Variants in PDE11A observed in about 807,000 individuals in gnomAD.
The protein encoded by PDE11A is dual 3',5'-cyclic-AMP and -GMP phosphodiesterase 11A.
A neutral mutation model predicts 100.5 loss-of-function variants in PDE11A; 100 were observed. The observed-to-expected ratio is 1.00, with a 90% CI of 0.85 to 1.18. PDE11A has a LOEUF of 1.18. Among genes scored for constraint, PDE11A ranks in the 50% most tolerant of loss-of-function variants. The pLI is 0.00. For missense variants in PDE11A, 1,141 were observed against 1,152.6 expected, an observed-to-expected ratio of 0.99 and a Z score of 0.15; for synonymous variants, 381 against 420.8, an observed-to-expected ratio of 0.91 and a Z score of 1.16.
At chr2:177,992,485 C>A (rs1026830778) in intron 2 of PDE11A, among the ~76,000 whole-genome samples, 1 of 143,548 alleles carries the variant, frequency 7.0e-6, no homozygotes, top group Admixed American at 7.1e-5. Context: ...ATGCTATTTG[C>A]CTCTTCAGTA....
At chr2:178,019,727 T>C (rs1328743931) in intron 1 of PDE11A, among the ~76,000 whole-genome samples, 2 of 152,210 alleles carry the variant, frequency 1.3e-5, no homozygotes, top group Non-Finnish European at 2.9e-5. Flanking sequence ...GACAAATATG[T>C]TGGAAGTTGA....
chr2:177,727,516 T>C, intron 12 of PDE11A, 142 bp downstream of exon 12: 2 of 707,412 alleles, frequency 2.8e-6, no homozygotes, highest in Admixed American at 2.0e-5. Flanking sequence ...CTGGCACATA[T>C]ATACTTTCAT....
chr2:178,005,954 G>T (rs1288621861), intron 2 of PDE11A, among the ~76,000 whole-genome samples: 1 of 152,102 alleles, frequency 6.6e-6, no homozygotes, highest in Non-Finnish European at 1.5e-5. Flanking sequence ...ATAAAAAGAG[G>T]AGCTAGGGAA....
intron 12 of PDE11A, among the ~76,000 whole-genome samples, chr2:177,719,648 A>G (rs570842665): frequency 6.6e-6 from 1 of 152,206 alleles, no homozygotes; most frequent in South Asian, 2.1e-4. Context: ...TGATCTATAG[A>G]TGGCTTGAAT....
At chr2:177,909,235 A>G (rs906639989) in intron 2 of PDE11A, among the ~76,000 whole-genome samples, 3 of 152,186 alleles carry the variant, frequency 2.0e-5, no homozygotes, top group East Asian at 1.9e-4. Flanking sequence ...AAGGCATTTA[A>G]CATGGCATTT....
chr2:178,032,351 G>A (rs1025762676), intron 1 of PDE11A, among the ~76,000 whole-genome samples: 5 of 152,118 alleles, frequency 3.3e-5, no homozygotes, highest in African/African-American at 1.2e-4. Flanking sequence ...GGGCGTGGTG[G>A]CACATGCCTG....
At chr2:177,648,112 CA>C (rs968810517) in intron 19 of PDE11A, among the ~76,000 whole-genome samples, 1 of 151,290 alleles carries the variant, frequency 6.6e-6, no homozygotes, top group Non-Finnish European at 1.5e-5. Flanking sequence ...ACCCTGTCTC[CA>C]AAAAAGAGTG....
chr2:177,835,178 G>A (rs2083374599), intron 6 of PDE11A, among the ~76,000 whole-genome samples: 1 of 152,098 alleles, frequency 6.6e-6, no homozygotes, highest in Non-Finnish European at 1.5e-5. Context: ...AAGGACAGAA[G>A]AAAGAAAAGA....
chr2:177,813,523 G>A (rs940839157), intron 9 of PDE11A, among the ~76,000 whole-genome samples: 1 of 152,054 alleles, frequency 6.6e-6, no homozygotes, highest in African/African-American at 2.4e-5. Flanking sequence ...ACTGTACTCT[G>A]CCCCATTTGT....
intron 2 of PDE11A, among the ~76,000 whole-genome samples, chr2:178,008,126 T>A (rs1416821475): frequency 3.9e-5 from 6 of 152,202 alleles, no homozygotes; most frequent in Non-Finnish European, 8.8e-5. Context: ...TATTCTTTTT[T>A]TAGCATTTGT....
intron 1 of PDE11A, among the ~76,000 whole-genome samples, chr2:178,037,577 T>C (rs1009177973): frequency 9.2e-5 from 14 of 152,156 alleles, no homozygotes; most frequent in African/African-American, 3.4e-4. Flanking sequence ...CGTACATGTG[T>C]TTATTGCAGC....
intron 2 of PDE11A, among the ~76,000 whole-genome samples, chr2:177,953,927 A>G (rs932009958): frequency 4.6e-5 from 7 of 152,182 alleles, no homozygotes; most frequent in Admixed American, 2.0e-4. Flanking sequence ...ATAATGCTAG[A>G]GTACCAAATA....
chr2:177,968,116 T>C (rs2085721766), intron 2 of PDE11A, among the ~76,000 whole-genome samples: 1 of 152,088 alleles, frequency 6.6e-6, no homozygotes, highest in Non-Finnish European at 1.5e-5. Context: ...TCAGACGAGG[T>C]GCTAATTCTT....
In PDE11A at chr2:178,072,306, C is replaced by T. The variant is rs1384426602; in HGVS notation, c.132G>A (p.Gln44=). The T allele has an allele frequency of 6.2e-7, 1 of 1,614,128 alleles. No homozygotes were observed. The highest frequency in any genetic ancestry group is 1.1e-5 in the South Asian group (1 of 91,068). Residue 44 remains glutamine (Q), a synonymous_variant, in exon 1 of 20, where the codon CAG becomes CAA. Transcript: ENST00000286063. The part of the protein sequence containing the change: ...MVEKWLQRHS[Q]GQGALGPRPS... ...GCCTTGGACCTAAAGCCCCCTGACCCTGACTGTGCCTCTGCAGCCACTTTT... is the reference window on the plus strand; with the variant it reads ...GCCTTGGACCTAAAGCCCCCTGACCTTGACTGTGCCTCTGCAGCCACTTTT...
intron 19 of PDE11A, among the ~76,000 whole-genome samples, chr2:177,639,602 G>A (rs560878299): frequency 6.6e-6 from 1 of 152,166 alleles, no homozygotes; most frequent in African/African-American, 2.4e-5. Flanking sequence ...CTTGGGAAAT[G>A]GATATATTTT....
At chr2:177,737,800 G>C (rs1373511952) in intron 10 of PDE11A, among the ~76,000 whole-genome samples, 2 of 152,178 alleles carry the variant, frequency 1.3e-5, no homozygotes, top group African/African-American at 4.8e-5. Flanking sequence ...TTGAAAGTCT[G>C]ATGGACAAGG....
chr2:177,630,582 A>G (rs752502248), intron 19 of PDE11A, among the ~76,000 whole-genome samples: 1 of 152,238 alleles, frequency 6.6e-6, no homozygotes, highest in Non-Finnish European at 1.5e-5. Context: ...TACAGGTCAG[A>G]GGAGCATGGA....
rs566043754 is a variant in PDE11A at position 178,080,477 on chromosome 2, A to C, written c.162+23825T>G. On this transcript the variant is annotated intron_variant, in intron 2 of 20. Coordinates refer to the PDE11A transcript ENST00000358450. Reference sequence around the variant, plus strand: ...TTGTAGGTGTGCAGTCTTATTTCTGAGTTCTCTATTCTGTTCCATTGGTCT... The same window carrying C: ...TTGTAGGTGTGCAGTCTTATTTCTGCGTTCTCTATTCTGTTCCATTGGTCT... 1.4e-4 allele frequency among the ~76,000 whole-genome samples: 21 copies of C among 152,134 alleles called. No individual in the cohort carries two copies. In the South Asian group the frequency reaches 4.4e-3, roughly 32 times the overall value.
At chr2:178,085,644 G>A (rs1191037544) in intron 2 of PDE11A, among the ~76,000 whole-genome samples, 1 of 152,148 alleles carries the variant, frequency 6.6e-6, no homozygotes, top group East Asian at 1.9e-4. Flanking sequence ...TAACAAGACT[G>A]TACAAGAAGG....
Sources: gnomAD v4.1 joint callset for allele counts (sites outside exome capture counted in the v4.1 genomes callset) on GRCh38, gnomAD v4.1.1 for gene constraint, MANE v1.5 for transcripts, NCBI Gene and HGNC (gene_info 2026-07-23, HGNC 2026-07-21) for gene names.